The following LUC7L variants were observed in gnomAD, a reference collection of about 807,000 sequenced individuals.
LUC7L encodes the protein LUC7 like, also known as putative RNA-binding protein Luc7-like 1.
A neutral mutation model predicts 51.1 loss-of-function variants in LUC7L; 29 were observed. That is an observed-to-expected ratio of 0.57 (90% CI 0.42 to 0.77). LUC7L has a LOEUF of 0.77. Among genes scored for constraint, LUC7L ranks in the 30% least tolerant of loss-of-function variants. The pLI is 0.00. For missense variants in LUC7L, 403 were observed against 511.9 expected, an observed-to-expected ratio of 0.79 and a Z score of 2.05; for synonymous variants, 181 against 180.7, an observed-to-expected ratio of 1.00 and a Z score of -0.01.
chr16:202,672 TG>T (rs770034973), intron 5 of LUC7L, among the ~76,000 whole-genome samples: 14 of 152,182 alleles, frequency 9.2e-5, no homozygotes, highest in Admixed American at 2.6e-4. Flanking sequence ...TGATGAACCA[TG>T]GAACGCACTT....
intron 1 of LUC7L, chr16:227,638 G>A: frequency 1.7e-6 from 2 of 1,154,042 alleles, no homozygotes; most frequent in Non-Finnish European, 2.2e-6. Flanking sequence ...ACATATACAT[G>A]TGGCAATGAG....
In LUC7L at chr16:197,963, C is replaced by T. The variant is rs78831518; in HGVS notation, c.687+1099G>A. ...ACGTCCAACCTTCCTTCTTAGCATT[C>T]CGTACTTAAAGTTTTTAAATGTCGG... On this transcript the variant is annotated intron_variant, in intron 6 of 9. Transcript: ENST00000293872. 7.1e-3 allele frequency among the ~76,000 whole-genome samples: 1,076 copies of T among 152,180 alleles called. 13 individuals carry two copies. Among genetic ancestry groups the T allele is most frequent in the African/African-American group, 0.025 (1,034 of 41,514 alleles).
At chr16:220,588 C>T in intron 3 of LUC7L, 61 bp downstream of exon 3, 22 of 1,240,052 alleles carry the variant, frequency 1.8e-5, no homozygotes, top group Non-Finnish European at 2.6e-5. Context: ...TTACATTTTT[C>T]TTGTTAGTTC....
intron 2 of LUC7L, among the ~76,000 whole-genome samples, chr16:225,261 G>A (rs1212385156): frequency 1.3e-5 from 2 of 152,028 alleles, no homozygotes; most frequent in African/African-American, 4.8e-5. Context: ...GCCAAGGTGG[G>A]TGGATCACGA....
chr16:191,445 C>CAGTGCATGTAAAAATGTAA (rs2049006160), intron 7 of LUC7L, among the ~76,000 whole-genome samples: 1 of 152,180 alleles, frequency 6.6e-6, no homozygotes, highest in East Asian at 1.9e-4. Context: ...CTAAACATGA[C>CAGTGCATGTAAAAATGTAA]AGTGCATGTA....
At chr16:229,014 A>C in intron 1 of LUC7L, 5 of 1,440,554 alleles carry the variant, frequency 3.5e-6, no homozygotes, top group Non-Finnish European at 3.7e-6. Context: ...CCGGGGAGGA[A>C]GTAGCAGGAC....
intron 3 of LUC7L, among the ~76,000 whole-genome samples, chr16:217,770 G>A (rs1385480362): frequency 6.6e-6 from 1 of 151,448 alleles, no homozygotes; most frequent in East Asian, 1.9e-4. Context: ...CAGGTGCAGT[G>A]GCTCACGCCT....
At chr16:207,866 G>A (rs548469342) in intron 4 of LUC7L, among the ~76,000 whole-genome samples, 24 of 152,248 alleles carry the variant, frequency 1.6e-4, no homozygotes, top group South Asian at 1.0e-3. Flanking sequence ...AAAATTAGCC[G>A]GGCATGGTGG....
chr16:192,865 T>C, intron 7 of LUC7L, 62 bp downstream of exon 7: 1 of 1,398,138 alleles, frequency 7.2e-7, no homozygotes, highest in Admixed American at 1.7e-5. Context: ...AACAGTGGAA[T>C]GGACCGAGCA....
chr16:228,054 A>T (rs1044531189), intron 1 of LUC7L: 1 of 1,135,834 alleles, frequency 8.8e-7, no homozygotes, highest in African/African-American at 1.6e-5. Context: ...TTAAAGGAAA[A>T]GTTTTCTTGC....
At chr16:189,446 C>T (rs1482336720) in intron 9 of LUC7L, 107 bp from the exon 10 acceptor site, 67 of 1,444,408 alleles carry the variant, frequency 4.6e-5, no homozygotes, top group Non-Finnish European at 5.9e-5. Flanking sequence ...GGCCCTACAT[C>T]CCCTATACCT....
intron 1 of LUC7L, chr16:227,551 G>C (rs2050161776): frequency 7.2e-7 from 1 of 1,381,116 alleles, no homozygotes. Context: ...CACTTAATGA[G>C]ATCTGACTCC....
At position 189,141 on chromosome 16, in the gene LUC7L, GT is replaced by G; in HGVS notation, c.*56del. ...GAGTTGTATTCAGCAAATATAAAGGGTAATTTTAGACTGTGTGAACGTTTAT... is the reference window on the plus strand; with the variant it reads ...GAGTTGTATTCAGCAAATATAAAGGGAATTTTAGACTGTGTGAACGTTTAT... On this transcript the variant is annotated 3_prime_UTR_variant, in exon 10 of 10. Transcript: ENST00000293872. The G allele has an allele frequency of 6.6e-7, 1 of 1,510,018 alleles. No homozygotes were observed. The highest frequency in any genetic ancestry group is 9.0e-7 in the Non-Finnish European group (1 of 1,110,442). 93.5% of individuals were successfully genotyped at this position (1,510,018 alleles called of 1,614,324 possible). A position where few individuals can be genotyped will look rare whatever the true frequency, so the allele number is the denominator to read the frequency against.
intron 2 of LUC7L, among the ~76,000 whole-genome samples, chr16:222,328 AG>A (rs1480120568): frequency 3.7e-5 from 4 of 107,408 alleles, no homozygotes; most frequent in African/African-American, 1.1e-4. Flanking sequence ...CTACATAACC[AG>A]AAAAAAAAAA....
chr16:193,080 A>G, intron 6 of LUC7L, 65 bp from the exon 7 acceptor site: 1 of 1,247,520 alleles, frequency 8.0e-7, no homozygotes, highest in South Asian at 1.2e-5. Context: ...AATGCTACTT[A>G]ACAAATCACC....
intron 3 of LUC7L, among the ~76,000 whole-genome samples, chr16:212,322 G>C (rs990911249): frequency 6.6e-6 from 1 of 151,952 alleles, no homozygotes; most frequent in South Asian, 2.1e-4. Flanking sequence ...GGAGCTCGTC[G>C]GGTCTCCATT....
At chr16:193,134 C>T in intron 6 of LUC7L, 119 bp from the exon 7 acceptor site, 2 of 813,306 alleles carry the variant, frequency 2.5e-6, no homozygotes. Flanking sequence ...TGAAGGGACA[C>T]TTTTAGGAAA....
At chr16:197,175 G>GTC (rs1192688883) in intron 6 of LUC7L, among the ~76,000 whole-genome samples, 2 of 149,778 alleles carry the variant, frequency 1.3e-5, no homozygotes, top group East Asian at 3.9e-4. Context: ...CAAAATGCTG[G>GTC]GATTACAGGA....
At chr16:201,205 C>A (rs1596619286) in intron 5 of LUC7L, among the ~76,000 whole-genome samples, 3 of 74,058 alleles carry the variant, frequency 4.1e-5, no homozygotes, top group Admixed American at 1.7e-4. Context: ...AAGGAACTAG[C>A]AAGAACTTGA....
Sources: allele counts gnomAD v4.1 joint callset (sites outside exome capture counted in the v4.1 genomes callset), GRCh38; gene constraint gnomAD v4.1.1; transcripts MANE v1.5; gene names NCBI Gene and HGNC (gene_info 2026-07-23, HGNC 2026-07-21).